Variants in FYB2 observed in about 807,000 individuals in gnomAD.
FYB2 encodes FYN-binding protein 2.
FYB2 carries 103 observed loss-of-function variants against 94.1 expected under a neutral mutation model. The ratio of observed to expected loss-of-function variants is 1.09; its 90% CI spans 0.93 to 1.29. The LOEUF (loss-of-function observed/expected upper bound fraction) is 1.29, where lower values mean the gene tolerates loss of function less well. FYB2 is among the 50% of genes most tolerant of loss of function. The pLI, the probability that FYB2 is intolerant of heterozygous loss-of-function variation, is 0.00. For missense variants in FYB2, 896 were observed against 841.5 expected, an observed-to-expected ratio of 1.06 and a Z score of -0.80; for synonymous variants, 293 against 287.9, an observed-to-expected ratio of 1.02 and a Z score of -0.18.
intron 1 of FYB2, among the ~76,000 whole-genome samples, chr1:56,815,691 G>A (rs1332896737): frequency 6.6e-6 from 1 of 152,080 alleles, no homozygotes; most frequent in East Asian, 1.9e-4. Context: ...TGGTATTTGA[G>A]AACTCTCCCA....
upstream of FYB2, among the ~76,000 whole-genome samples, chr1:56,821,397 G>A (rs899758439): frequency 1.3e-5 from 2 of 152,168 alleles, no homozygotes; most frequent in Admixed American, 1.3e-4. Context: ...TTTGCCAGTC[G>A]GCTTAAGAGC....
At chr1:56,826,428 C>T in the FYB2 span, 1 of 152,520 alleles carries the variant, frequency 6.6e-6, no homozygotes, top group African/African-American at 2.4e-5. Flanking sequence ...AGCCTTGGCT[C>T]CCATCACTGG....
Position 56,738,529 on chromosome 1 carries a change from T to A in FYB2, c.1732+96A>T, listed in dbSNP as rs563573067. On this transcript the variant is annotated intron_variant, in intron 14 of 19. Transcript: ENST00000343433. ...TTTGGTAGAGCAATTTTTCATCAAA[T>A]GTGGGAATGCAGGAAGGGTTACCAT... 20 of 1,250,976 alleles carry A rather than the reference T, an allele frequency of 1.6e-5. No individual in the cohort carries two copies. The East Asian group carries it at 4.7e-4, about 29-fold the overall frequency. The allele number at this position is 1,250,976 out of a possible 1,614,324, so 77.5% of individuals were successfully genotyped here.
At chr1:56,811,760 CAAACA>C (rs770073450) in intron 1 of FYB2, among the ~76,000 whole-genome samples, 128 of 123,992 alleles carry the variant, frequency 1.0e-3, no homozygotes, top group Non-Finnish European at 1.7e-3. Context: ...ATGGACCAAA[CAAACA>C]AACAAACAAA....
chr1:56,732,916 G>A (rs1569886384), intron 15 of FYB2, among the ~76,000 whole-genome samples: 1 of 151,648 alleles, frequency 6.6e-6, no homozygotes, highest in Non-Finnish European at 1.5e-5. Flanking sequence ...TCAGGACATT[G>A]GTCTAGGAAA....
chr1:56,771,115 T>G (rs1232796113), intron 4 of FYB2, among the ~76,000 whole-genome samples: 1 of 152,192 alleles, frequency 6.6e-6, no homozygotes, highest in African/African-American at 2.4e-5. Flanking sequence ...GCAATTCTAC[T>G]TCTAAGTAAA....
chr1:56,782,730 A>G (rs1368813942), intron 4 of FYB2, among the ~76,000 whole-genome samples: 1 of 152,132 alleles, frequency 6.6e-6, no homozygotes, highest in Non-Finnish European at 1.5e-5. Flanking sequence ...ACTTCAAGAG[A>G]GAAAATGGTA....
At chr1:56,816,558 C>T (rs1339066007) in intron 1 of FYB2, among the ~76,000 whole-genome samples, 1 of 152,190 alleles carries the variant, frequency 6.6e-6, no homozygotes. Flanking sequence ...GGCACCACCT[C>T]TTCATGGGAA....
chr1:56,731,295 G>A (rs1464912444), intron 15 of FYB2, among the ~76,000 whole-genome samples: 2 of 152,092 alleles, frequency 1.3e-5, no homozygotes, highest in South Asian at 2.1e-4. Context: ...GCGTGGACAA[G>A]TTAGTTACCC....
intron 4 of FYB2, among the ~76,000 whole-genome samples, chr1:56,778,310 T>C (rs1434084651): frequency 1.3e-5 from 2 of 152,242 alleles, no homozygotes; most frequent in Non-Finnish European, 2.9e-5. Flanking sequence ...GTCACTGTTA[T>C]AGTCTTGAAA....
chr1:56,737,193 T>C (rs893516868), intron 14 of FYB2, 46 bp from the exon 15 acceptor site: 2 of 1,451,724 alleles, frequency 1.4e-6, no homozygotes, highest in Non-Finnish European at 9.5e-7. Context: ...AAGCATGGTT[T>C]ATATAAGCAC....
intron 5 of FYB2, 23 bp downstream of exon 5, chr1:56,767,806 A>G (rs1645660059): frequency 2.6e-6 from 4 of 1,514,988 alleles, no homozygotes; most frequent in South Asian, 1.2e-5. Flanking sequence ...GGGTTACACT[A>G]TTAATTGGCT....
In FYB2 at chr1:56,800,092, A is replaced by G. The variant is rs374102405; in HGVS notation, c.10-7289T>C. On this transcript the variant is annotated intron_variant, in intron 1 of 19. Coordinates refer to ENST00000343433, the MANE Select transcript of FYB2 (RefSeq NM_001004303.5). ...ACAGCAATGGTTTATCACAAGTCTG[A>G]ACATTCCTCTGTGGTAAGCAAATCC... 2.0e-5 allele frequency among the ~76,000 whole-genome samples: 3 copies of G among 152,226 alleles called. No homozygotes were observed. In the East Asian group the frequency reaches 5.8e-4, roughly 29 times the overall value.
intron 4 of FYB2, 45 bp downstream of exon 4, chr1:56,787,130 C>T: frequency 1.2e-6 from 2 of 1,608,144 alleles, no homozygotes; most frequent in Non-Finnish European, 1.7e-6. Context: ...TAAGTAGCCT[C>T]TGTGGTGGGC....
intron 1 of FYB2, among the ~76,000 whole-genome samples, chr1:56,808,053 T>C (rs1342332296): frequency 6.6e-6 from 1 of 152,176 alleles, no homozygotes; most frequent in African/African-American, 2.4e-5. Flanking sequence ...AGAGGTAAGT[T>C]TGGATTTAAC....
chr1:56,721,210 T>C (rs1197870020), intron 17 of FYB2, among the ~76,000 whole-genome samples: 2 of 152,072 alleles, frequency 1.3e-5, no homozygotes, highest in Non-Finnish European at 2.9e-5. Context: ...TGCACTGAAA[T>C]CTGTTGACCA....
intron 5 of FYB2, among the ~76,000 whole-genome samples, chr1:56,764,726 AT>A (rs575845208): frequency 1.5e-4 from 22 of 150,248 alleles, no homozygotes; most frequent in East Asian, 3.9e-4. Flanking sequence ...TGGCAGATAT[AT>A]TTTTTTTTTC....
the FYB2 span, among the ~76,000 whole-genome samples, chr1:56,825,912 G>A: frequency 2.6e-5 from 4 of 152,180 alleles, no homozygotes; most frequent in African/African-American, 9.7e-5. Flanking sequence ...CCTGCTCCAA[G>A]CAGCATCAAG....
chr1:56,752,664 C>T (rs1026034560), intron 8 of FYB2, among the ~76,000 whole-genome samples: 1 of 152,056 alleles, frequency 6.6e-6, no homozygotes, highest in Non-Finnish European at 1.5e-5. Flanking sequence ...AATGTAGTCC[C>T]ATAATGAAAG....
Sources: gnomAD v4.1 joint callset for allele counts (sites outside exome capture counted in the v4.1 genomes callset) on GRCh38, gnomAD v4.1.1 for gene constraint, MANE v1.5 for transcripts, NCBI Gene and HGNC (gene_info 2026-07-23, HGNC 2026-07-21) for gene names.